The following NNT variants were observed in gnomAD, a reference collection of about 807,000 sequenced individuals.
The protein encoded by NNT is NAD(P) transhydrogenase, mitochondrial.
Under a neutral mutation model 104.8 loss-of-function variants are expected in NNT, and 50 were observed. That is an observed-to-expected ratio of 0.48 (90% CI 0.38 to 0.60). NNT has a LOEUF of 0.60. Among genes scored for constraint, NNT ranks in the 20% least tolerant of loss-of-function variants. The pLI is 0.00. For synonymous variants in NNT, 461 were observed against 490.4 expected, an observed-to-expected ratio of 0.94 and a Z score of 0.79; for missense variants, 1,131 against 1,330.7, an observed-to-expected ratio of 0.85 and a Z score of 2.33.
Position 43,705,440 on chromosome 5 carries a change from T to A in NNT, c.*1036T>A, listed in dbSNP as rs908375322. The stretch of plus-strand genomic sequence containing the variant: ...ATTTGAGAGAAATGGTGGCTTTTTT[T>A]AGCTACCTCTTTGTTCATTTAAGCA... On this transcript the variant is annotated 3_prime_UTR_variant, in exon 22 of 22. Transcript: ENST00000344920. 3 of 152,164 alleles carry A rather than the reference T, an allele frequency of 2.0e-5. No individual in the cohort carries two copies. Among genetic ancestry groups the A allele is most frequent in the African/African-American group, 4.8e-5 (2 of 41,460 alleles). The allele number at this position is 152,164 out of a possible 1,614,324, so 9.4% of individuals were successfully genotyped here.
At chr5:43,660,340 C>G (rs1297423440) in intron 17 of NNT, among the ~76,000 whole-genome samples, 1 of 152,128 alleles carries the variant, frequency 6.6e-6, no homozygotes, top group African/African-American at 2.4e-5. Flanking sequence ...AGTAACAACA[C>G]TAATACTTCC....
chr5:43,609,628 T>G (rs1268900610), intron 2 of NNT, among the ~76,000 whole-genome samples: 1 of 152,254 alleles, frequency 6.6e-6, no homozygotes, highest in African/African-American at 2.4e-5. Flanking sequence ...TAATAACCAT[T>G]TCTCCTAGAA....
chr5:43,697,137 T>C (rs1742598379), intron 19 of NNT, among the ~76,000 whole-genome samples: 1 of 152,220 alleles, frequency 6.6e-6, no homozygotes, highest in South Asian at 2.1e-4. Context: ...GTTTTCTTTC[T>C]AAAACTGAAT....
rs889577342 is a variant in NNT, at chr5:43,626,178, G to T, written c.777-2022G>T. 2.0e-5 allele frequency among the ~76,000 whole-genome samples: 3 copies of T among 152,060 alleles called. No homozygotes were observed. In the East Asian group the frequency reaches 5.8e-4, roughly 29 times the overall value. ...ATATTCAGAAAAAATGATTGTGTTT[G>T]TACTGAGCTAGTACCAATTTCATTT... On this transcript the variant is annotated intron_variant, in intron 6 of 21. Transcript: ENST00000344920.
chr5:43,607,203 TGTGATC>T, intron 1 of NNT, among the ~76,000 whole-genome samples: 1 of 152,192 alleles, frequency 6.6e-6, no homozygotes, highest in East Asian at 1.9e-4. Flanking sequence ...TCATAACCCC[TGTGATC>T]TGCACGTATA....
At chr5:43,646,413 C>T (rs1739445255) in intron 10 of NNT, among the ~76,000 whole-genome samples, 1 of 151,638 alleles carries the variant, frequency 6.6e-6, no homozygotes, top group African/African-American at 2.4e-5. Flanking sequence ...CTTCAGCCTC[C>T]TGAGTAGCTG....
intron 19 of NNT, among the ~76,000 whole-genome samples, chr5:43,697,827 C>T (rs776689073): frequency 8.5e-5 from 13 of 152,120 alleles, no homozygotes; most frequent in Non-Finnish European, 1.5e-4. Context: ...ATCATCAGGT[C>T]TTGTGAAACT....
intron 4 of NNT, 36 bp downstream of exon 4, chr5:43,616,101 A>C (rs757378255): frequency 5.8e-6 from 9 of 1,541,012 alleles, no homozygotes; most frequent in Non-Finnish European, 8.0e-6. Context: ...ACAAAAGCGC[A>C]ATAGTGCTAC....
intron 1 of NNT, among the ~76,000 whole-genome samples, chr5:43,605,892 T>TG (rs1749200587): frequency 6.6e-6 from 1 of 152,212 alleles, no homozygotes; most frequent in African/African-American, 2.4e-5. Flanking sequence ...TACTGATGTC[T>TG]GATGCCCCTG....
rs1743120032 is a variant in NNT, at chr5:43,707,261, A to ATT, written c.*2858_*2859insTT. 6.6e-6 allele frequency: 1 copy of ATT among 152,164 alleles called. No homozygotes were observed. The highest frequency in any genetic ancestry group is 6.5e-5 in the Admixed American group (1 of 15,282). The allele number at this position is 152,164 out of a possible 1,614,324, so 9.4% of individuals were successfully genotyped here. A position where few individuals can be genotyped will look rare whatever the true frequency, so the allele number is the denominator to read the frequency against. On this transcript the variant is annotated 3_prime_UTR_variant, in exon 22 of 22. Transcript: ENST00000344920. Reference sequence around the variant, plus strand: ...TTCTTGAAAAATTCTAAGAGAGTGGATGTGAAGTGTTCTCACCACAAAAGT... The same window carrying ATT: ...TTCTTGAAAAATTCTAAGAGAGTGGATTTGTGAAGTGTTCTCACCACAAAAGT...
intron 7 of NNT, among the ~76,000 whole-genome samples, chr5:43,636,775 C>G (rs1750949453): frequency 6.6e-6 from 1 of 151,654 alleles, no homozygotes; most frequent in East Asian, 2.0e-4. Flanking sequence ...ATGGTAAAAT[C>G]TTGACTAATT....
At chr5:43,656,394 C>T (rs1043081760) in intron 15 of NNT, among the ~76,000 whole-genome samples, 1 of 151,972 alleles carries the variant, frequency 6.6e-6, no homozygotes, top group Admixed American at 6.6e-5. Flanking sequence ...GAGTTTTTTT[C>T]CCCTCATCCT....
At chr5:43,666,337 C>T (rs1016091561) in intron 17 of NNT, among the ~76,000 whole-genome samples, 2 of 152,130 alleles carry the variant, frequency 1.3e-5, no homozygotes, top group Admixed American at 6.5e-5. Flanking sequence ...CCGTCTGCAA[C>T]CCCGGCACCT....
At chr5:43,634,701 G>C (rs774044465) in intron 7 of NNT, among the ~76,000 whole-genome samples, 5 of 152,090 alleles carry the variant, frequency 3.3e-5, no homozygotes, top group Non-Finnish European at 7.4e-5. Context: ...CAACATCAAG[G>C]GTTGGTAACC....
At chr5:43,606,790 C>T (rs1042873269) in intron 1 of NNT, among the ~76,000 whole-genome samples, 1 of 152,104 alleles carries the variant, frequency 6.6e-6, no homozygotes, top group Non-Finnish European at 1.5e-5. Flanking sequence ...CTTCTTATCT[C>T]CAGGAAAATT....
rs1331622007 is a variant in NNT, at chr5:43,616,037, G to T, written c.571G>T (p.Ala191Ser). The change falls in exon 4 of 22, where the codon GCG (alanine) becomes TCG (serine). Residue 191 changes from alanine to serine, a missense_variant. Transcript: ENST00000344920. Reference protein sequence around the residue: ...PRVTIAQGYDALSSMANIAGY... With the variant: ...PRVTIAQGYDSLSSMANIAGY... ...AGTCACAATTGCTCAGGGATATGAT[G>T]CGCTAAGCTCCATGGCCAACATTGC... 1.2e-6 allele frequency: 2 copies of T among 1,613,830 alleles called. No homozygotes were observed. Among genetic ancestry groups the T allele is most frequent in the Non-Finnish European group, 1.7e-6 (2 of 1,179,966 alleles).
At chr5:43,622,021 T>C (rs866482263) in intron 5 of NNT, among the ~76,000 whole-genome samples, 71 of 152,204 alleles carry the variant, frequency 4.7e-4, no homozygotes, top group Non-Finnish European at 7.3e-5. Flanking sequence ...CTTTGGATTC[T>C]CCTGCAGGTG....
intron 5 of NNT, among the ~76,000 whole-genome samples, chr5:43,619,412 T>TA (rs749218789): frequency 2.8e-4 from 43 of 152,076 alleles, no homozygotes; most frequent in Non-Finnish European, 5.6e-4. Flanking sequence ...TATTAATTTT[T>TA]AAAAAAAACT....
In NNT at chr5:43,666,972, C is replaced by A; in HGVS notation, c.2634+7622C>A. 1.9e-6 allele frequency: 3 copies of A among 1,594,132 alleles called. No homozygotes were observed. The Admixed American group carries it at 5.0e-5, about 27-fold the overall frequency. ...GTGGATCGAGCTTGCGGCTGACACC[C>A]TTTGGGATCTTGGGCTTAACCTCCT... On this transcript the variant is annotated intron_variant, in intron 17 of 21. Transcript: ENST00000344920.
Sources: gnomAD v4.1 joint callset for allele counts (sites outside exome capture counted in the v4.1 genomes callset) on GRCh38, gnomAD v4.1.1 for gene constraint, MANE v1.5 for transcripts, NCBI Gene and HGNC (gene_info 2026-07-23, HGNC 2026-07-21) for gene names.